RRN3: variants seen among roughly 807,000 people sequenced by gnomAD.
RRN3 encodes the protein RNA polymerase I-specific transcription initiation factor RRN3.
Under a neutral mutation model 82.3 loss-of-function variants are expected in RRN3, and 38 were observed. The observed-to-expected ratio is 0.46, with a 90% confidence interval of 0.36 to 0.61. RRN3 has a LOEUF of 0.61. Ranked by LOEUF, RRN3 falls within the 20% of genes least tolerant of loss-of-function variation. The pLI, the probability that RRN3 is intolerant of heterozygous loss-of-function variation, is 0.00. For missense variants in RRN3, 726 were observed against 793.1 expected (o/e 0.92, Z 1.02); for synonymous variants, 284 against 284.3 (o/e 1.00, Z 0.01).
chr16:15,094,246 A>G lies in RRN3; in HGVS notation c.-13T>C, dbSNP rs769055603. 3.2e-6 allele frequency: 5 copies of G among 1,564,612 alleles called. No individual in the cohort carries two copies. The Admixed American group carries it at 9.4e-5, about 30-fold the overall frequency. On this transcript the variant is annotated 5_prime_UTR_variant, in exon 1 of 18. Coordinates refer to ENST00000198767, the MANE Select transcript of RRN3 (RefSeq NM_018427.5). ...GCGGTGCCGCCATTGGGCCGAACTA[A>G]CGCGACCGCTGCGCCTCAGGCCGGA...
intron 14 of RRN3, 73 bp downstream of exon 14, chr16:15,069,997 A>C (rs758386817): frequency 1.7e-6 from 2 of 1,210,966 alleles, no homozygotes; most frequent in Non-Finnish European, 2.3e-6. Flanking sequence ...ATCTCAAAAA[A>C]GTAATGAATC....
intron 15 of RRN3, among the ~76,000 whole-genome samples, chr16:15,065,638 AT>A (rs1310543100): frequency 6.6e-6 from 1 of 152,214 alleles, no homozygotes; most frequent in Non-Finnish European, 1.5e-5. Flanking sequence ...AGTAATAGAT[AT>A]TATTCATTAT....
rs28617615 is a variant in RRN3 at position 15,069,886 on chromosome 16, C to G, written c.1444+184G>C. Among the ~76,000 whole-genome samples, 1,436 of 152,240 alleles carry G rather than the reference C, an allele frequency of 9.4e-3. 26 individuals are homozygous for G. The highest frequency in any genetic ancestry group is 0.032 in the African/African-American group (1,348 of 41,518). On this transcript the variant is annotated intron_variant, in intron 14 of 17. Transcript: ENST00000198767. ...AAGGGGTTTGTAGGGTTCTCAAGCT[C>G]AAATCTATCTTAAGGGGTTTGTAGG... is the stretch of plus-strand genomic sequence containing the variant.
At chr16:15,078,592 C>T (rs556576979) in intron 9 of RRN3, among the ~76,000 whole-genome samples, 24 of 152,290 alleles carry the variant, frequency 1.6e-4, no homozygotes, top group African/African-American at 3.6e-4. Context: ...CTCCTCCTTC[C>T]GGCGGATCCT....
intron 3 of RRN3, among the ~76,000 whole-genome samples, chr16:15,088,534 C>A (rs1405847972): frequency 1.3e-5 from 2 of 151,808 alleles, no homozygotes; most frequent in African/African-American, 4.8e-5. Context: ...TGTCAAAATA[C>A]CAAGAATGAG....
intron 3 of RRN3, among the ~76,000 whole-genome samples, chr16:15,088,521 G>T (rs1333592134): frequency 1.3e-5 from 2 of 151,982 alleles, no homozygotes; most frequent in African/African-American, 4.8e-5. Context: ...GCAATTCTTG[G>T]TATGTCAAAA....
intron 3 of RRN3, among the ~76,000 whole-genome samples, chr16:15,089,074 G>A (rs1016232972): frequency 2.6e-5 from 4 of 152,070 alleles, no homozygotes; most frequent in Non-Finnish European, 5.9e-5. Flanking sequence ...AGGCTGAGGC[G>A]GGTGGATCAC....
At chr16:15,083,086 A>G (rs966451759) in intron 8 of RRN3, among the ~76,000 whole-genome samples, 11 of 152,238 alleles carry the variant, frequency 7.2e-5, no homozygotes, top group Admixed American at 6.5e-4. Context: ...TTTAAAGTCT[A>G]GAAGACAAAG....
In RRN3 at chr16:15,088,361, G is replaced by A. The variant is rs576510553; in HGVS notation, c.253-1907C>T. Among the ~76,000 whole-genome samples the A allele has an allele frequency of 1.2e-4, 19 of 152,070 alleles. No individual in the cohort carries two copies. The South Asian group carries it at 3.5e-3, about 28-fold the overall frequency. On this transcript the variant is annotated intron_variant, in intron 3 of 17. Transcript: ENST00000198767. ...ACATGCTTGTGGTCCCAGATGCTCG[G>A]GAGCCTGAGGTGGGAAGATTGCTTG...
chr16:15,084,952 T>C (rs1432254262), intron 6 of RRN3, among the ~76,000 whole-genome samples: 1 of 151,808 alleles, frequency 6.6e-6, no homozygotes, highest in Non-Finnish European at 1.5e-5. Context: ...TGTAGTCCCA[T>C]CTACTCAGGA....
At chr16:15,066,167 G>C (rs1206133707) in intron 15 of RRN3, among the ~76,000 whole-genome samples, 1 of 152,126 alleles carries the variant, frequency 6.6e-6, no homozygotes, top group Admixed American at 6.6e-5. Flanking sequence ...CACAGCACTT[G>C]ACCCCTCCTC....
intron 3 of RRN3, among the ~76,000 whole-genome samples, chr16:15,090,247 A>T (rs1474479642): frequency 6.6e-6 from 1 of 152,140 alleles, no homozygotes; most frequent in Non-Finnish European, 1.5e-5. Context: ...TGTAAAAAAA[A>T]AACATGGGTA....
chr16:15,072,458 AC>A (rs529024432), intron 12 of RRN3, among the ~76,000 whole-genome samples: 12 of 152,090 alleles, frequency 7.9e-5, no homozygotes, highest in Non-Finnish European at 1.6e-4. Flanking sequence ...TTTTCGGAGC[AC>A]CTAGCTGGGC....
intron 17 of RRN3, among the ~76,000 whole-genome samples, chr16:15,062,577 T>C (rs1399539096): frequency 2.0e-5 from 3 of 152,194 alleles, no homozygotes; most frequent in Non-Finnish European, 2.9e-5. Flanking sequence ...GGAGGGTATG[T>C]TGCAACCTGC....
chr16:15,070,328 C>T lies in RRN3; in HGVS notation c.1260-74G>A, dbSNP rs2045169758. 4.0e-6 allele frequency: 6 copies of T among 1,501,598 alleles called. No individual in the cohort carries two copies. In the African/African-American group the frequency reaches 8.6e-5, roughly 21 times the overall value. 93.0% of individuals were successfully genotyped at this position (1,501,598 alleles called of 1,614,324 possible). A position where few individuals can be genotyped will look rare whatever the true frequency, so the allele number is the denominator to read the frequency against. Reference sequence around the variant, plus strand: ...AGAATAACATAAAAACACACAACTGCCTTTCATTACAAACCATGCTAAGTA... The same window carrying T: ...AGAATAACATAAAAACACACAACTGTCTTTCATTACAAACCATGCTAAGTA... On this transcript the variant is annotated intron_variant, in intron 13 of 17. Transcript: ENST00000198767.
At chr16:15,081,935 G>T (rs925810146) in intron 8 of RRN3, among the ~76,000 whole-genome samples, 1 of 152,054 alleles carries the variant, frequency 6.6e-6, no homozygotes, top group African/African-American at 2.4e-5. Context: ...CAATTGTCTT[G>T]AACAACTGGT....
chr16:15,088,124 A>T (rs928513222), intron 3 of RRN3, among the ~76,000 whole-genome samples: 4 of 150,604 alleles, frequency 2.7e-5, no homozygotes, highest in Non-Finnish European at 5.9e-5. Context: ...CTCAAAAAGA[A>T]AAAAAAAAAG....
Position 15,076,561 on chromosome 16 carries a change from A to G in RRN3, c.855T>C (p.Asn285=). ...GGTDSTEGLF[N]MDEDEETEHE... The stretch of plus-strand genomic sequence containing the variant: ...CTTTCATTAATAAACTGCTAACCAT[A>G]TTAAACAATCCTTCCGTGGAATCTG... Residue 285 remains asparagine, a synonymous_variant, in exon 10 of 18, where the codon AAT becomes AAC. Coordinates refer to ENST00000198767, the MANE Select transcript of RRN3 (RefSeq NM_018427.5). 1 of 1,605,074 alleles carries G rather than the reference A, an allele frequency of 6.2e-7. No individual in the cohort carries two copies. The highest frequency in any genetic ancestry group is 8.5e-7 in the Non-Finnish European group (1 of 1,171,700).
At chr16:15,074,888 C>T in intron 10 of RRN3, 27 bp from the exon 11 acceptor site, 1 of 1,586,038 alleles carries the variant, frequency 6.3e-7, no homozygotes, top group Non-Finnish European at 8.6e-7. Context: ...TAAATACTAA[C>T]ATTAAAAAAT....
Sources: gnomAD v4.1 joint callset for allele counts (sites outside exome capture counted in the v4.1 genomes callset) on GRCh38, gnomAD v4.1.1 for gene constraint, MANE v1.5 for transcripts, NCBI Gene and HGNC (gene_info 2026-07-23, HGNC 2026-07-21) for gene names.